The following ARL17A variants were observed in gnomAD, a reference collection of about 807,000 sequenced individuals.
ARL17A encodes ARF like GTPase 17A, also known as ADP-ribosylation factor-like 17-like.
At position 46,544,858 on chromosome 17, in the gene ARL17A, G is replaced by A. The variant is rs1161823524; in HGVS notation, c.260-6432C>T. ...AAGAATAGTACAGAATCCAATCAAA[G>A]ATCAGGCACTGCATGTCATGTCTTC... is the stretch of plus-strand genomic sequence containing the variant. On this transcript the variant is annotated intron_variant, in intron 3 of 4. Coordinates refer to the ARL17A transcript ENST00000329240. Among the ~76,000 whole-genome samples, 4 of 131,810 alleles carry A rather than the reference G, an allele frequency of 3.0e-5. 1 individual carries two copies. Among genetic ancestry groups the A allele is most frequent in the Admixed American group, 2.3e-4 (3 of 13,236 alleles). 86.5% of individuals were successfully genotyped at this position (131,810 alleles called of 152,430 possible). A position where few individuals can be genotyped will look rare whatever the true frequency, so the allele number is the denominator to read the frequency against.
rs952759488 is a variant in ARL17A at position 46,543,637 on chromosome 17, C to G, written c.260-5211G>C. Among the ~76,000 whole-genome samples, 26 of 150,912 alleles carry G rather than the reference C, an allele frequency of 1.7e-4. 1 individual carries two copies. Among genetic ancestry groups the G allele is most frequent in the African/African-American group, 6.5e-4 (26 of 40,228 alleles). On this transcript the variant is annotated intron_variant, in intron 3 of 4. Coordinates refer to the ARL17A transcript ENST00000329240. Reference sequence around the variant, plus strand: ...AGGGTCATTATGTCTGCAACTGACTCTCAAATGGTTTTGTCCAGAAAATGT... The same window carrying G: ...AGGGTCATTATGTCTGCAACTGACTGTCAAATGGTTTTGTCCAGAAAATGT...
At chr17:46,516,264 C>G (rs1205889622), downstream of ARL17A, among the ~76,000 whole-genome samples, 1 of 130,712 alleles carries the variant, frequency 7.7e-6, no homozygotes, top group Non-Finnish European at 1.7e-5. Flanking sequence ...GATTGCACCA[C>G]TGCACTCCAG....
chr17:46,540,972 A>AT (rs1336490794), intron 3 of ARL17A: 25 of 621,188 alleles, frequency 4.0e-5, no homozygotes, highest in Non-Finnish European at 6.1e-5. Flanking sequence ...TTGAGGTATA[A>AT]TTTTCATATA....
At chr17:46,534,626 T>A (rs1230544689) in intron 4 of ARL17A, among the ~76,000 whole-genome samples, 1 of 148,482 alleles carries the variant, frequency 6.7e-6, no homozygotes, top group East Asian at 2.0e-4. Flanking sequence ...CAATCTGATT[T>A]CTGTATCTTT....
intron 4 of ARL17A, among the ~76,000 whole-genome samples, chr17:46,537,087 T>A (rs1284063651): frequency 8.3e-4 from 9 of 10,858 alleles, no homozygotes; most frequent in Non-Finnish European, 1.4e-3. Flanking sequence ...ATTTTTTTTT[T>A]TTTTTTTTTT....
Position 46,532,041 on chromosome 17 carries a change from G to A in ARL17A, c.336-3182C>T, listed in dbSNP as rs1160284535. Among the ~76,000 whole-genome samples, 23 of 150,152 alleles carry A rather than the reference G, an allele frequency of 1.5e-4. 1 individual carries two copies. Among genetic ancestry groups the A allele is most frequent in the South Asian group, 8.4e-4 (4 of 4,760 alleles). ...TTTTGCACATAGATGTTCAGGTGAC[G>A]CCATTACACTCAAGCCTGGGCAACA... On this transcript the variant is annotated intron_variant, in intron 4 of 4. Transcript: ENST00000329240.
chr17:46,512,112 C>CT (rs2050980306), downstream of ARL17A, among the ~76,000 whole-genome samples: 1 of 78,844 alleles, frequency 1.3e-5, no homozygotes. Flanking sequence ...AAGGGCTCTT[C>CT]ACTCGGATTA....
downstream of ARL17A, among the ~76,000 whole-genome samples, chr17:46,550,221 G>A (rs2145813623): frequency 3.0e-5 from 1 of 33,898 alleles, no homozygotes; most frequent in East Asian, 4.1e-4. Context: ...AGGCTGAGGT[G>A]GGAGGATCAC....
chr17:46,545,823 G>T (rs1288096465), intron 3 of ARL17A, among the ~76,000 whole-genome samples: 1 of 149,762 alleles, frequency 6.7e-6, no homozygotes, highest in Non-Finnish European at 1.5e-5. Flanking sequence ...CGCAATCCAG[G>T]TTAAACTAAG....
chr17:46,543,367 C>G (rs549531203), intron 3 of ARL17A, among the ~76,000 whole-genome samples: 2 of 150,880 alleles, frequency 1.3e-5, no homozygotes, highest in African/African-American at 5.0e-5. Context: ...TACTTTAAAA[C>G]AATCCTGGGA....
intron 4 of ARL17A, among the ~76,000 whole-genome samples, chr17:46,533,210 G>A (rs1362255079): frequency 3.0e-5 from 3 of 101,446 alleles, no homozygotes; most frequent in Non-Finnish European, 5.6e-5. Flanking sequence ...TTGAGGCCAG[G>A]AGTTTGAGAC....
At chr17:46,545,204 G>A (rs1243410102) in intron 3 of ARL17A, among the ~76,000 whole-genome samples, 2 of 136,036 alleles carry the variant, frequency 1.5e-5, no homozygotes, top group Non-Finnish European at 3.1e-5. Flanking sequence ...GGCCGAGGTG[G>A]GAGGATTGCT....
intron 3 of ARL17A, among the ~76,000 whole-genome samples, chr17:46,542,526 G>GATAT (rs879872588): frequency 7.1e-4 from 103 of 145,816 alleles, no homozygotes; most frequent in African/African-American, 2.1e-3. Context: ...TATATATATA[G>GATAT]ATATAGATAT....
At chr17:46,529,960 A>C (rs1313985400) in intron 4 of ARL17A, among the ~76,000 whole-genome samples, 1 of 137,188 alleles carries the variant, frequency 7.3e-6, no homozygotes, top group Admixed American at 7.6e-5. Context: ...TGAGCTATCA[A>C]GAAAGAGGGA....
chr17:46,533,504 T>C (rs1458971655), intron 4 of ARL17A, among the ~76,000 whole-genome samples: 1 of 147,116 alleles, frequency 6.8e-6, no homozygotes, highest in African/African-American at 2.7e-5. Context: ...TTCTTTTTTT[T>C]TTTTTTCTTT....
intron 4 of ARL17A, among the ~76,000 whole-genome samples, chr17:46,531,775 G>T (rs2053666590): frequency 1.2e-5 from 1 of 82,052 alleles, no homozygotes; most frequent in Admixed American, 1.3e-4. Context: ...TGACATTCTT[G>T]TCACCATGTC....
chr17:46,559,160 G>A (rs1229000022), intron 3 of ARL17A: 1 of 58,768 alleles, frequency 1.7e-5, no homozygotes. Flanking sequence ...CTACCCCGGA[G>A]GTCAGGGCCT....
At chr17:46,541,645 C>T (rs2055340118) in intron 3 of ARL17A, among the ~76,000 whole-genome samples, 1 of 150,772 alleles carries the variant, frequency 6.6e-6, no homozygotes, top group Non-Finnish European at 1.5e-5. Context: ...GTTCCTCATC[C>T]ATAGATTCAA....
chr17:46,546,095 T>C (rs2056273518), intron 3 of ARL17A, among the ~76,000 whole-genome samples: 1 of 152,062 alleles, frequency 6.6e-6, no homozygotes. Context: ...TGGGCACTTT[T>C]GTCCTCCTTC....
Sources: gnomAD v4.1 joint callset for allele counts (sites outside exome capture counted in the v4.1 genomes callset) on GRCh38, gnomAD v4.1.1 for gene constraint, MANE v1.5 for transcripts, NCBI Gene and HGNC (gene_info 2026-07-23, HGNC 2026-07-21) for gene names.